The following IL23R variants were observed in gnomAD, a reference collection of about 807,000 sequenced individuals.
IL23R encodes the protein interleukin-23 receptor.
In IL23R, 34 loss-of-function variants were observed where a neutral mutation model predicts 56.9. The ratio of observed to expected loss-of-function variants is 0.60; its 90% confidence interval spans 0.45 to 0.80. IL23R has a LOEUF of 0.80. IL23R is among the 30% of genes least tolerant of loss of function. The pLI is 0.00. For missense variants in IL23R, 635 were observed against 730.0 expected, an observed-to-expected ratio of 0.87 and a Z score of 1.50; for synonymous variants, 230 against 249.2, an observed-to-expected ratio of 0.92 and a Z score of 0.73.
chr1:67,190,311 G>A (rs999126433), intron 4 of IL23R, among the ~76,000 whole-genome samples: 1 of 151,972 alleles, frequency 6.6e-6, no homozygotes, highest in Non-Finnish European at 1.5e-5. Flanking sequence ...TGTCTGTTTT[G>A]CTTCAAGAGC....
chr1:67,181,132 C>T (rs543762629), intron 3 of IL23R, among the ~76,000 whole-genome samples: 3 of 152,052 alleles, frequency 2.0e-5, no homozygotes, highest in African/African-American at 2.4e-5. Context: ...ATCTTTGTGG[C>T]GTTCTCTGTA....
intron 9 of IL23R, among the ~76,000 whole-genome samples, chr1:67,250,051 T>A (rs1256432026): frequency 2.0e-5 from 3 of 152,228 alleles, no homozygotes; most frequent in South Asian, 2.1e-4. Context: ...TAGCTTTATT[T>A]TAATCTAATT....
the IL23R span, among the ~76,000 whole-genome samples, chr1:67,265,146 T>C: frequency 6.6e-6 from 1 of 152,256 alleles, no homozygotes; most frequent in Non-Finnish European, 1.5e-5. Context: ...TAAACGTTAC[T>C]GTTTTCTTTC....
intron 5 of IL23R, among the ~76,000 whole-genome samples, chr1:67,205,915 C>CCTTTCTT (rs1648996420): frequency 8.1e-6 from 1 of 123,134 alleles, no homozygotes; most frequent in Non-Finnish European, 1.8e-5. Context: ...TTCTTTCTTT[C>CCTTTCTT]TTTCTTTCTT....
intron 4 of IL23R, among the ~76,000 whole-genome samples, chr1:67,186,475 A>G (rs1234195814): frequency 2.6e-5 from 4 of 152,100 alleles, no homozygotes; most frequent in Non-Finnish European, 5.9e-5. Flanking sequence ...CACATCCATG[A>G]GCAGTCACTT....
At chr1:67,219,845 T>A in intron 7 of IL23R, 115 bp downstream of exon 7, 2 of 991,204 alleles carry the variant, frequency 2.0e-6, no homozygotes, top group South Asian at 1.3e-5. Context: ...GCAGGAAGAT[T>A]GCTTGAGCCT....
chr1:67,245,424 A>G (rs1379010727), intron 9 of IL23R, among the ~76,000 whole-genome samples: 3 of 152,188 alleles, frequency 2.0e-5, no homozygotes, highest in Non-Finnish European at 4.4e-5. Flanking sequence ...TTGTCCATTC[A>G]GTATGATATT....
intron 1 of IL23R, among the ~76,000 whole-genome samples, chr1:67,167,887 TC>T (rs1346968897): frequency 2.6e-5 from 4 of 152,178 alleles, no homozygotes; most frequent in Non-Finnish European, 4.4e-5. Context: ...TTGCTTTACT[TC>T]TCCATCTCTT....
intron 1 of IL23R, among the ~76,000 whole-genome samples, chr1:67,139,683 GGCAGTATT>G (rs1485775727): frequency 1.3e-5 from 2 of 152,140 alleles, no homozygotes; most frequent in Non-Finnish European, 2.9e-5. Flanking sequence ...TCTCCAGTGT[GGCAGTATT>G]GAGAGGTGAG....
chr1:67,235,408 T>G (rs1266736503), intron 7 of IL23R, among the ~76,000 whole-genome samples: 2 of 147,960 alleles, frequency 1.4e-5, no homozygotes, highest in African/African-American at 2.5e-5. Context: ...TTTTTTTTTT[T>G]TGTGAAATGG....
intron 7 of IL23R, among the ~76,000 whole-genome samples, chr1:67,228,012 TTCTTTCTTCC>T (rs1266858639): frequency 8.9e-6 from 1 of 112,522 alleles, no homozygotes; most frequent in African/African-American, 3.8e-5. Context: ...CTTTCTTTCT[TTCTTTCTTCC>T]TTTCTTTCTT....
intron 1 of IL23R, among the ~76,000 whole-genome samples, chr1:67,149,776 A>C (rs1359360328): frequency 1.3e-5 from 2 of 152,202 alleles, no homozygotes; most frequent in Non-Finnish European, 2.9e-5. Flanking sequence ...CCAGTAAGCT[A>C]GTTTTTTAAA....
At chr1:67,176,932 A>T (rs1352412426) in intron 3 of IL23R, among the ~76,000 whole-genome samples, 1 of 152,114 alleles carries the variant, frequency 6.6e-6, no homozygotes, top group Non-Finnish European at 1.5e-5. Flanking sequence ...CCATGTCCCT[A>T]CAAAGGACAT....
At chr1:67,189,713 G>A (rs529549207) in intron 4 of IL23R, among the ~76,000 whole-genome samples, 9 of 152,318 alleles carry the variant, frequency 5.9e-5, no homozygotes, top group Admixed American at 2.0e-4. Flanking sequence ...GGGAGGCTGA[G>A]GCAGGTGGAT....
intron 6 of IL23R, among the ~76,000 whole-genome samples, chr1:67,208,412 A>T (rs559442155): frequency 6.6e-6 from 1 of 152,298 alleles, no homozygotes; most frequent in Non-Finnish European, 1.5e-5. Flanking sequence ...ACGGGCTTGG[A>T]GGCCCAGGAG....
intron 3 of IL23R, among the ~76,000 whole-genome samples, chr1:67,179,323 A>C (rs1362931378): frequency 3.9e-5 from 6 of 152,168 alleles, no homozygotes; most frequent in Non-Finnish European, 8.8e-5. Context: ...CAGAGATTCA[A>C]CTTCTTCCTG....
chr1:67,261,050 T>G (rs192355458), downstream of IL23R, among the ~76,000 whole-genome samples: 1 of 152,016 alleles, frequency 6.6e-6, no homozygotes, highest in Non-Finnish European at 1.5e-5. Context: ...GCTTACTATG[T>G]CTTTAGCAAA....
At chr1:67,165,784 T>C (rs1269553632), upstream of IL23R, among the ~76,000 whole-genome samples, 2 of 152,162 alleles carry the variant, frequency 1.3e-5, no homozygotes, top group Non-Finnish European at 2.9e-5. Flanking sequence ...AAACAGATGA[T>C]AGAATGGTGG....
chr1:67,264,647 T>G (rs891339730), downstream of IL23R, among the ~76,000 whole-genome samples: 3 of 152,218 alleles, frequency 2.0e-5, no homozygotes, highest in African/African-American at 7.2e-5. Context: ...TTATTATGTG[T>G]CTTTCCTACT....
Sources: allele counts gnomAD v4.1 joint callset (sites outside exome capture counted in the v4.1 genomes callset), GRCh38; gene constraint gnomAD v4.1.1; transcripts MANE v1.5; gene names NCBI Gene and HGNC (gene_info 2026-07-23, HGNC 2026-07-21).